NDUFA9: variants seen among roughly 807,000 people sequenced by gnomAD.
NDUFA9 encodes NADH:ubiquinone oxidoreductase subunit A9, also known as NADH dehydrogenase [ubiquinone] 1 alpha subcomplex subunit 9, mitochondrial.
A neutral mutation model predicts 45.9 loss-of-function variants in NDUFA9; 23 were observed. The ratio of observed to expected loss-of-function variants is 0.50; its 90% CI spans 0.36 to 0.71. The LOEUF is 0.71. Ranked by LOEUF, NDUFA9 falls within the 30% of genes least tolerant of loss-of-function variation. The pLI, the probability that NDUFA9 is intolerant of heterozygous loss-of-function variation, is 0.00. For synonymous variants in NDUFA9, 176 were observed against 170.5 expected (o/e 1.03, Z -0.25); for missense variants, 466 against 488.2 (o/e 0.95, Z 0.43).
chr12:4,654,213 G>A, intron 1 of NDUFA9, 79 bp from the exon 2 acceptor site: 1 of 1,369,396 alleles, frequency 7.3e-7, no homozygotes, highest in South Asian at 1.4e-5. Context: ...CAAGTTTTTA[G>A]AGAAAGGAGC....
intron 8 of NDUFA9, among the ~76,000 whole-genome samples, chr12:4,676,698 C>A (rs1181239728): frequency 6.6e-6 from 1 of 152,154 alleles, no homozygotes; most frequent in Non-Finnish European, 1.5e-5. Flanking sequence ...TAGAAAGAAT[C>A]AATACAATGA....
At position 4,687,146 on chromosome 12, in the gene NDUFA9, G is replaced by A. The variant is rs752092891; in HGVS notation, c.*38G>A. Reference sequence around the variant, plus strand: ...AGCTCTTGGTTTTGGCGTCTTTTGGGTCGGCCCATGTGGTTTGAGCACCCA... The same window carrying A: ...AGCTCTTGGTTTTGGCGTCTTTTGGATCGGCCCATGTGGTTTGAGCACCCA... On this transcript the variant is annotated 3_prime_UTR_variant, in exon 11 of 11. Transcript: ENST00000266544. 3.1e-6 allele frequency: 5 copies of A among 1,604,998 alleles called. No homozygotes were observed. Among genetic ancestry groups the A allele is most frequent in the Non-Finnish European group, 4.3e-6 (5 of 1,174,640 alleles).
At chr12:4,685,518 G>A (rs567939061) in intron 10 of NDUFA9, among the ~76,000 whole-genome samples, 193 bp downstream of exon 10, 5 of 152,128 alleles carry the variant, frequency 3.3e-5, no homozygotes, top group South Asian at 2.1e-4. Flanking sequence ...CTTTCTGTCC[G>A]TCATTATCAG....
intron 6 of NDUFA9, among the ~76,000 whole-genome samples, chr12:4,666,371 A>G (rs1241561210): frequency 6.6e-6 from 1 of 152,144 alleles, no homozygotes; most frequent in Non-Finnish European, 1.5e-5. Context: ...TCTTTGATGC[A>G]CAGAAGTTTT....
At chr12:4,686,065 A>G (rs547364409) in intron 10 of NDUFA9, among the ~76,000 whole-genome samples, 1 of 152,218 alleles carries the variant, frequency 6.6e-6, no homozygotes, top group African/African-American at 2.4e-5. Flanking sequence ...TCTATGAAAG[A>G]TCAGGCAGGA....
chr12:4,684,909 A>G lies in NDUFA9; in HGVS notation c.897-350A>G, dbSNP rs1945975930. On this transcript the variant is annotated intron_variant, in intron 9 of 10. Coordinates refer to ENST00000266544, the MANE Select transcript of NDUFA9 (RefSeq NM_005002.5). The stretch of plus-strand genomic sequence containing the variant: ...GCTTCTGTAAAGGCAGCATATTTGA[A>G]TATCTGAGGTTTAGATTAAATTGAA... 14 of 562,330 alleles carry G rather than the reference A, an allele frequency of 2.5e-5. No individual in the cohort carries two copies. In the South Asian group the frequency reaches 3.6e-4, roughly 15 times the overall value. 34.8% of individuals were successfully genotyped at this position (562,330 alleles called of 1,614,324 possible).
rs974776370 is a variant in NDUFA9 at position 4,689,685 on chromosome 12, C to T, written c.*2577C>T. 1.7e-4 allele frequency: 31 copies of T among 179,410 alleles called. No individual in the cohort carries two copies. Among genetic ancestry groups the T allele is most frequent in the Non-Finnish European group, 5.7e-5 (5 of 88,238 alleles). The allele number at this position is 179,410 out of a possible 1,614,324, so 11.1% of individuals were successfully genotyped here. On this transcript the variant is annotated 3_prime_UTR_variant, in exon 11 of 11. Transcript: ENST00000266544. ...CTTAGTACAGAACAAAGTGAAGTCT[C>T]CCATGTCTACTTCTTTCTACACAGA...
chr12:4,678,776 A>G (rs1945935760), intron 8 of NDUFA9, among the ~76,000 whole-genome samples: 1 of 152,224 alleles, frequency 6.6e-6, no homozygotes, highest in Non-Finnish European at 1.5e-5. Flanking sequence ...AAAATAACAA[A>G]TGTTGAGGAA....
In NDUFA9 at chr12:4,689,257, A is replaced by C. The variant is rs1285385589; in HGVS notation, c.*2149A>C. On this transcript the variant is annotated 3_prime_UTR_variant, in exon 11 of 11. Coordinates refer to ENST00000266544, the MANE Select transcript of NDUFA9 (RefSeq NM_005002.5). Reference sequence around the variant, plus strand: ...CTAGCAATGCTATTTCTCATCTCTAACTTGTATCATCTCAGGATGCTGTAT... The same window carrying C: ...CTAGCAATGCTATTTCTCATCTCTACCTTGTATCATCTCAGGATGCTGTAT... The C allele has an allele frequency of 2.0e-5, 3 of 151,942 alleles. No individual in the cohort carries two copies. The highest frequency in any genetic ancestry group is 2.9e-5 in the Non-Finnish European group (2 of 67,996). The allele number at this position is 151,942 out of a possible 1,614,324, so 9.4% of individuals were successfully genotyped here. A position where few individuals can be genotyped will look rare whatever the true frequency, so the allele number is the denominator to read the frequency against.
At chr12:4,665,808 G>T (rs1047768569) in intron 6 of NDUFA9, among the ~76,000 whole-genome samples, 1 of 150,076 alleles carries the variant, frequency 6.7e-6, no homozygotes, top group Non-Finnish European at 1.5e-5. Context: ...ATTGTGTGTG[G>T]TTTTTTTGTT....
rs1946003001 is a variant in NDUFA9 at position 4,688,850 on chromosome 12, C to T, written c.*1742C>T. On this transcript the variant is annotated 3_prime_UTR_variant, in exon 11 of 11. Transcript: ENST00000266544. ...TCTGTTATTTTGGATGACACCCCTC[C>T]TGGCCATAAGCCAGCCATTAGGCAC... 1 of 152,216 alleles carries T rather than the reference C, an allele frequency of 6.6e-6. No homozygotes were observed. Among genetic ancestry groups the T allele is most frequent in the African/African-American group, 2.4e-5 (1 of 41,446 alleles). 9.4% of individuals were successfully genotyped at this position (152,216 alleles called of 1,614,324 possible).
chr12:4,668,443 C>T lies in NDUFA9; in HGVS notation c.656-14C>T. On this transcript the variant is annotated splice_polypyrimidine_tract_variant and intron_variant, in intron 6 of 10. Transcript: ENST00000266544. ...AAGCCTTCTCAGTATAGTTCTCATT[C>T]TTTCTTCCGCTAGGTATGCATCGGT... is the stretch of plus-strand genomic sequence containing the variant. The T allele has an allele frequency of 6.2e-7, 1 of 1,609,888 alleles. No individual in the cohort carries two copies. Among genetic ancestry groups the T allele is most frequent in the East Asian group, 2.2e-5 (1 of 44,832 alleles).
intron 6 of NDUFA9, among the ~76,000 whole-genome samples, chr12:4,665,186 T>C (rs1945846037): frequency 6.6e-6 from 1 of 152,168 alleles, no homozygotes; most frequent in African/African-American, 2.4e-5. Context: ...GTACAACCAA[T>C]CCCCAGAACT....
chr12:4,670,381 A>C (rs1037480110), intron 8 of NDUFA9, among the ~76,000 whole-genome samples: 3 of 152,228 alleles, frequency 2.0e-5, no homozygotes, highest in African/African-American at 7.2e-5. Context: ...TGAATTAACT[A>C]AAAGTCAAAA....
chr12:4,675,269 G>T (rs1945912264), intron 8 of NDUFA9, among the ~76,000 whole-genome samples: 1 of 152,054 alleles, frequency 6.6e-6, no homozygotes, highest in Non-Finnish European at 1.5e-5. Context: ...AGAGAAGCAG[G>T]AACAAACAAA....
chr12:4,680,202 G>T (rs1332018189), intron 8 of NDUFA9, among the ~76,000 whole-genome samples: 1 of 152,032 alleles, frequency 6.6e-6, no homozygotes, highest in Non-Finnish European at 1.5e-5. Flanking sequence ...GAACATGTGG[G>T]ATTGCCAAGC....
chr12:4,654,879 T>C lies in NDUFA9; in HGVS notation c.275T>C (p.Met92Thr), dbSNP rs1303167530. The change falls in exon 3 of 11, where the codon ATG (methionine) becomes ACG (threonine). Residue 92 changes from methionine to threonine, a missense_variant. Coordinates refer to ENST00000266544, the MANE Select transcript of NDUFA9 (RefSeq NM_005002.5). ...TATCGGTGTGATAAATATGACATCA[T>C]GCACCTTCGTCCCATGGGTGACCTG... Reference protein sequence around the residue: ...IPYRCDKYDIMHLRPMGDLGQ... With the variant: ...IPYRCDKYDITHLRPMGDLGQ... The C allele has an allele frequency of 1.9e-6, 3 of 1,614,096 alleles. No individual in the cohort carries two copies. The highest frequency in any genetic ancestry group is 1.7e-5 in the Admixed American group (1 of 60,010).
chr12:4,669,905 C>T, intron 8 of NDUFA9, 88 bp downstream of exon 8: 2 of 1,001,506 alleles, frequency 2.0e-6, no homozygotes, highest in Middle Eastern at 2.8e-4. Flanking sequence ...TTATTTGTTG[C>T]ACTTTTACAA....
At position 4,659,020 on chromosome 12, in the gene NDUFA9, A is replaced by AT. The variant is rs751382544; in HGVS notation, c.411-10dup. The AT allele has an allele frequency of 5.0e-6, 8 of 1,607,144 alleles. No homozygotes were observed. The highest frequency in any genetic ancestry group is 1.1e-5 in the South Asian group (1 of 90,676). On this transcript the variant is annotated splice_polypyrimidine_tract_variant and intron_variant, in intron 4 of 10. Transcript: ENST00000266544. ...TGTGGAGTTCTTAACCAATCCTTTT[A>AT]TTTTTTATCTTCCAGAAACTTTGAT...
Sources: allele counts gnomAD v4.1 joint callset (sites outside exome capture counted in the v4.1 genomes callset), GRCh38; gene constraint gnomAD v4.1.1; transcripts MANE v1.5; gene names NCBI Gene and HGNC (gene_info 2026-07-23, HGNC 2026-07-21).